Variants in CDHR3 observed in about 807,000 individuals in gnomAD.
The protein encoded by CDHR3 is cadherin related family member 3, also known as cadherin-related family member 3.
CDHR3 carries 79 observed loss-of-function variants against 86.6 expected under a neutral mutation model. The ratio of observed to expected loss-of-function variants is 0.91; its 90% confidence interval spans 0.76 to 1.10. CDHR3 has a LOEUF of 1.10. CDHR3 is among the 50% of genes least tolerant of loss of function. The probability of loss-of-function intolerance (pLI) is 0.00; values close to 1 mark genes in which losing one functional copy is unlikely to be tolerated. For missense variants in CDHR3, 1,081 were observed against 1,077.6 expected (o/e 1.00, Z -0.04); for synonymous variants, 421 against 402.4 (o/e 1.05, Z -0.55).
intron 2 of CDHR3, among the ~76,000 whole-genome samples, chr7:105,978,234 G>A (rs1829123203): frequency 6.6e-6 from 1 of 152,174 alleles, no homozygotes. Flanking sequence ...CTAATCATAG[G>A]TCAAGGGTGT....
At chr7:105,980,475 AG>A (rs937532227) in intron 2 of CDHR3, among the ~76,000 whole-genome samples, 79 of 151,958 alleles carry the variant, frequency 5.2e-4, no homozygotes, top group African/African-American at 1.9e-3. Flanking sequence ...CACAACGTGC[AG>A]GTTTGTTACA....
chr7:106,023,753 G>T (rs1356428675), intron 14 of CDHR3, among the ~76,000 whole-genome samples: 1 of 152,212 alleles, frequency 6.6e-6, no homozygotes, highest in African/African-American at 2.4e-5. Flanking sequence ...GAGGCATATG[G>T]CAACCCTAGG....
Position 106,022,446 on chromosome 7 carries a change from AG to A in CDHR3, c.2076+1del, listed in dbSNP as rs772870465. 5 of 1,613,220 alleles carry A rather than the reference AG, an allele frequency of 3.1e-6. No homozygotes were observed. Among genetic ancestry groups the A allele is most frequent in the Middle Eastern group, 1.6e-4 (1 of 6,082 alleles). ...AACCACTATCATCACCACGACCCCC[AG>A]GGTAAGGGCTTTAGGACCTGGAATC... ...HPTTIITTTP[R>X]PRVTYQVLRK... On this transcript the variant is annotated frameshift_variant and splice_region_variant, in exon 14 of 19. Transcript: ENST00000317716. LOFTEE classifies it high-confidence loss of function.
At position 106,032,396 on chromosome 7, in the gene CDHR3, C is replaced by T; in HGVS notation, c.2357C>T (p.Thr786Ile). The T allele has an allele frequency of 6.2e-7, 1 of 1,601,754 alleles. No individual in the cohort carries two copies. Among genetic ancestry groups the T allele is most frequent in the Non-Finnish European group, 8.5e-7 (1 of 1,172,610 alleles). The part of the protein sequence containing the change: ...IFDGEAIDPV[T>I]GETYEFNSKT... The stretch of plus-strand genomic sequence containing the variant: ...TGTTGTATTTTTTTTTCACTAGTGA[C>T]CGGGGAAACATATGAATTCAACTCA... The change falls in exon 19 of 19, where the codon ACC (threonine) becomes ATC (isoleucine). Residue 786 changes from threonine (T) to isoleucine (I), a missense_variant. By Grantham distance (89) the Thr-to-Ile change is moderately conservative (BLOSUM62 -1). Transcript: ENST00000317716.
intron 9 of CDHR3, among the ~76,000 whole-genome samples, chr7:106,014,421 A>G (rs1585771456): frequency 6.6e-6 from 1 of 152,226 alleles, no homozygotes; most frequent in Non-Finnish European, 1.5e-5. Flanking sequence ...TGACAATAAT[A>G]GTGAATAATA....
chr7:105,986,457 A>G (rs2115707212), intron 4 of CDHR3, among the ~76,000 whole-genome samples: 1 of 152,324 alleles, frequency 6.6e-6, no homozygotes, highest in South Asian at 2.1e-4. Context: ...GCTTTTCCTC[A>G]CTTGTCAAAA....
chr7:106,031,516 G>A (rs1473307939), intron 18 of CDHR3, among the ~76,000 whole-genome samples: 1 of 152,202 alleles, frequency 6.6e-6, no homozygotes, highest in Admixed American at 6.5e-5. Flanking sequence ...ATATGCAAAC[G>A]GCACCGGTCC....
intron 15 of CDHR3, among the ~76,000 whole-genome samples, chr7:106,024,834 A>G (rs952201366): frequency 1.3e-5 from 2 of 152,208 alleles, no homozygotes; most frequent in Non-Finnish European, 2.9e-5. Flanking sequence ...CTGGGGCATC[A>G]ACCTTCTGAT....
intron 2 of CDHR3, among the ~76,000 whole-genome samples, chr7:105,976,369 G>A (rs1828812605): frequency 6.6e-6 from 1 of 152,158 alleles, no homozygotes; most frequent in South Asian, 2.1e-4. Context: ...TTTGCCCTGG[G>A]TTGTACAGCT....
chr7:106,016,464 C>G (rs1210462074), intron 11 of CDHR3, among the ~76,000 whole-genome samples: 1 of 152,148 alleles, frequency 6.6e-6, no homozygotes, highest in African/African-American at 2.4e-5. Context: ...TACTAAGATT[C>G]CCTGAAGGCC....
At chr7:106,015,073 T>C in intron 9 of CDHR3, 38 bp from the exon 10 acceptor site, 1 of 1,501,244 alleles carries the variant, frequency 6.7e-7, no homozygotes, top group Non-Finnish European at 9.1e-7. Flanking sequence ...AATAGGATTG[T>C]TTAATCTGTA....
At chr7:105,985,990 T>C (rs1306751949) in intron 4 of CDHR3, among the ~76,000 whole-genome samples, 1 of 152,234 alleles carries the variant, frequency 6.6e-6, no homozygotes, top group African/African-American at 2.4e-5. Flanking sequence ...CCAGAGCTTG[T>C]TTGTTGGCAC....
At chr7:105,964,207 C>T (rs890324544) in intron 1 of CDHR3, among the ~76,000 whole-genome samples, 1 of 151,946 alleles carries the variant, frequency 6.6e-6, no homozygotes, top group Non-Finnish European at 1.5e-5. Context: ...TTTGAGGTTT[C>T]CTTCATATAG....
intron 1 of CDHR3, among the ~76,000 whole-genome samples, chr7:105,965,406 G>A (rs763853111): frequency 2.2e-4 from 34 of 152,146 alleles, no homozygotes; most frequent in Admixed American, 5.9e-4. Context: ...CCCAGGAGGC[G>A]GAGGTTGCAG....
intron 17 of CDHR3, among the ~76,000 whole-genome samples, chr7:106,028,922 T>TTCTTTCTTTCTC (rs1563311778): frequency 5.8e-4 from 49 of 84,770 alleles, no homozygotes; most frequent in Non-Finnish European, 1.1e-3. Context: ...TAAATTTTCT[T>TTCTTTCTTTCTC]TCTTTCTTTC....
intron 4 of CDHR3, among the ~76,000 whole-genome samples, chr7:105,986,062 G>C (rs1830479410): frequency 1.3e-5 from 2 of 152,090 alleles, no homozygotes; most frequent in Admixed American, 6.6e-5. Context: ...ATTTACCTCA[G>C]AGTTCCATGC....
Position 106,012,942 on chromosome 7 carries a change from C to T in CDHR3, c.1135C>T (p.Pro379Ser), listed in dbSNP as rs200102793. ...CTGCTTTGATGATGACAGTGAGGCACCAAACAACAGATTCAACTTCACCAT... is the reference window on the plus strand; with the variant it reads ...CTGCTTTGATGATGACAGTGAGGCATCAAACAACAGATTCAACTTCACCAT... Reference protein sequence around the residue: ...KFCFDDDSEAPNNRFNFTMPS... With the variant: ...KFCFDDDSEASNNRFNFTMPS... The change falls in exon 9 of 19, where the codon CCA (proline) becomes TCA (serine). Residue 379 changes from proline to serine, a missense_variant. Transcript: ENST00000317716. The T allele has an allele frequency of 5.7e-4, 917 of 1,613,700 alleles. 4 individuals carry two copies. Among genetic ancestry groups the T allele is most frequent in the Non-Finnish European group, 1.6e-4 (187 of 1,179,776 alleles).
rs760711411 is a variant in CDHR3 at position 105,977,881 on chromosome 7, G to A, written c.249+2835G>A. 1.1e-3 allele frequency among the ~76,000 whole-genome samples: 171 copies of A among 152,192 alleles called. 1 individual carries two copies. The highest frequency in any genetic ancestry group is 1.8e-3 in the Non-Finnish European group (123 of 68,036). ...TATTGAGACTTCTGGTGGTGCAGGG[G>A]GTGGTGAGGAGGAGTAATGATAATA... On this transcript the variant is annotated intron_variant, in intron 2 of 18. Coordinates refer to ENST00000317716, the MANE Select transcript of CDHR3 (RefSeq NM_152750.5).
chr7:106,025,253 C>A (rs746611055), intron 15 of CDHR3, among the ~76,000 whole-genome samples: 1 of 152,202 alleles, frequency 6.6e-6, no homozygotes, highest in Non-Finnish European at 1.5e-5. Flanking sequence ...GTAGCTCTTA[C>A]AACTTACAGC....
Sources: gnomAD v4.1 joint callset for allele counts (sites outside exome capture counted in the v4.1 genomes callset) on GRCh38, gnomAD v4.1.1 for gene constraint, MANE v1.5 for transcripts, NCBI Gene and HGNC (gene_info 2026-07-23, HGNC 2026-07-21) for gene names.